The following ZNF134 variants were observed in gnomAD, a reference collection of about 807,000 sequenced individuals.
The protein encoded by ZNF134 is zinc finger protein 134.
Under a neutral mutation model 2.5 loss-of-function variants are expected in ZNF134, and 5 were observed. The observed-to-expected ratio is 2.03, with a 90% CI of 1.06 to 4.27. The LOEUF is 4.27. ZNF134 is among the 30% of genes most tolerant of loss of function. The probability of loss-of-function intolerance (pLI) is 0.00; values close to 1 mark genes in which losing one functional copy is unlikely to be tolerated. For missense variants in ZNF134, 540 were observed against 517.5 expected (o/e 1.04, Z -0.42); for synonymous variants, 176 against 176.2 (o/e 1.00, Z 0.01).
In ZNF134 at chr19:57,621,184, A is replaced by T; in HGVS notation, c.1065A>T (p.Arg355=). 1 of 1,614,214 alleles carries T rather than the reference A, an allele frequency of 6.2e-7. No individual in the cohort carries two copies. The change falls in exon 3 of 3, where the codon CGA becomes CGT. Residue 355 remains arginine (R), a synonymous_variant. Coordinates refer to ENST00000396161, the MANE Select transcript of ZNF134 (RefSeq NM_003435.5). ...TTGAATGCGGGAAATTCTTTAGTCG[A>T]AGTTCTGACTATATTGCACACCAGA... ...ECIECGKFFS[R]SSDYIAHQRV...
In ZNF134 at chr19:57,620,275, T is replaced by C. The variant is rs1299291485; in HGVS notation, c.156T>C (p.Cys52=). 1.2e-6 allele frequency: 2 copies of C among 1,614,202 alleles called. No individual in the cohort carries two copies. Among genetic ancestry groups the C allele is most frequent in the Non-Finnish European group, 1.7e-6 (2 of 1,180,040 alleles). ...TGCCCGCACAGACGGCTCTCCCTTGTGACATATGTGGCCCCATCTTGAAAG... is the reference window on the plus strand; with the variant it reads ...TGCCCGCACAGACGGCTCTCCCTTGCGACATATGTGGCCCCATCTTGAAAG... ...AGLPAQTALP[C]DICGPILKDI... The change falls in exon 3 of 3, where the codon TGT becomes TGC. Residue 52 remains cysteine (C), a synonymous_variant. Coordinates refer to ENST00000396161, the MANE Select transcript of ZNF134 (RefSeq NM_003435.5).
At position 57,620,338 on chromosome 19, in the gene ZNF134, T is replaced by G; in HGVS notation, c.219T>G (p.His73Gln). Residue 73 changes from histidine to glutamine, a missense_variant, in exon 3 of 3, where the codon CAT (histidine) becomes CAG (glutamine). By Grantham distance (24) the His-to-Gln change is conservative (BLOSUM62 0). Transcript: ENST00000396161. ...LHLDEHQGTH[H>Q]GLKLHTCGAC... The stretch of plus-strand genomic sequence containing the variant: ...TGGATGAACACCAGGGTACACACCA[T>G]GGACTGAAACTTCACACATGTGGGG... 6.2e-7 allele frequency: 1 copy of G among 1,614,062 alleles called. No individual in the cohort carries two copies.
Position 57,620,975 on chromosome 19 carries a change from A to T in ZNF134, c.856A>T (p.Arg286Trp), listed in dbSNP as rs377204667. 365 of 1,614,120 alleles carry T rather than the reference A, an allele frequency of 2.3e-4. No individual in the cohort carries two copies. Among genetic ancestry groups the T allele is most frequent in the Admixed American group, 3.5e-4 (21 of 60,016 alleles). ...IVHQRVHNGA[R>W]PYKCSDCGKV... ...ACACCAGAGAGTTCACAATGGAGCA[A>T]GGCCTTATAAGTGCAGTGATTGTGG... Residue 286 changes from arginine to tryptophan, a missense_variant, in exon 3 of 3, where the codon AGG (arginine) becomes TGG (tryptophan). Coordinates refer to ENST00000396161, the MANE Select transcript of ZNF134 (RefSeq NM_003435.5).
chr19:57,620,216 G>T lies in ZNF134; in HGVS notation c.97G>T (p.Ala33Ser). 4 of 1,614,160 alleles carry T rather than the reference G, an allele frequency of 2.5e-6. No homozygotes were observed. ...ATCTTCTGAACAGAGCATTTCTATA[G>T]CAGTGTCACATGTTAATACTTCCAA... ...ESSSEQSISI[A>S]VSHVNTSKAG... Residue 33 changes from alanine to serine, a missense_variant, in exon 3 of 3, where the codon GCA becomes TCA. Coordinates refer to ENST00000396161, the MANE Select transcript of ZNF134 (RefSeq NM_003435.5).
chr19:57,617,061 C>T (rs1362734046), intron 1 of ZNF134, among the ~76,000 whole-genome samples: 1 of 152,208 alleles, frequency 6.6e-6, no homozygotes. Context: ...TAACTTAAGG[C>T]TAAACTAGGA....
At chr19:57,619,361 G>C in intron 1 of ZNF134, 51 bp from the exon 2 acceptor site, 1 of 1,412,122 alleles carries the variant, frequency 7.1e-7, no homozygotes, top group Non-Finnish European at 9.8e-7. Flanking sequence ...GGCTACTCTG[G>C]CTAGTGCTCT....
chr19:57,621,163 A>G lies in ZNF134; in HGVS notation c.1044A>G (p.Glu348=), dbSNP rs147393372. 8.5e-5 allele frequency: 137 copies of G among 1,614,254 alleles called. 1 individual carries two copies. The African/African-American group carries it at 1.7e-3, about 20-fold the overall frequency. Reference sequence around the variant, plus strand: ...AGTCAAAGCCGTTTGAGTGCATTGAATGCGGGAAATTCTTTAGTCGAAGTT... The same window carrying G: ...AGTCAAAGCCGTTTGAGTGCATTGAGTGCGGGAAATTCTTTAGTCGAAGTT... The part of the protein sequence containing the change: ...HTESKPFECI[E]CGKFFSRSSD... The change falls in exon 3 of 3, where the codon GAA becomes GAG. Residue 348 remains glutamate, a synonymous_variant. Coordinates refer to ENST00000396161, the MANE Select transcript of ZNF134 (RefSeq NM_003435.5).
rs1443236902 is a variant in ZNF134, at chr19:57,623,554, AAAAC to A, written c.*2156_*2159del. On this transcript the variant is annotated 3_prime_UTR_variant, in exon 3 of 3. Transcript: ENST00000396161. ...CTCAGCCCATCTTAATTGGAAAAAA[AAAAC>A]AAACCATTGAAATTAAGAGATTCAT... The A allele has an allele frequency of 2.0e-5, 3 of 152,212 alleles. No individual in the cohort carries two copies. The highest frequency in any genetic ancestry group is 1.9e-4 in the East Asian group (1 of 5,200). The allele number at this position is 152,212 out of a possible 1,614,324, so 9.4% of individuals were successfully genotyped here.
Position 57,620,548 on chromosome 19 carries a change from T to A in ZNF134, c.429T>A (p.Ala143=). The A allele has an allele frequency of 6.2e-7, 1 of 1,614,218 alleles. No homozygotes were observed. The highest frequency in any genetic ancestry group is 8.5e-7 in the Non-Finnish European group (1 of 1,180,034). ...AGGAGGAGCAGAAAAACTTCCAGGC[T>A]ACTTTGGGTGGCTGCCAACAAAAGG... The part of the protein sequence containing the change: ...TCKEEQKNFQ[A]TLGGCQQKAI... Residue 143 remains alanine, a synonymous_variant, in exon 3 of 3, where the codon GCT becomes GCA. Transcript: ENST00000396161.
At position 57,621,167 on chromosome 19, in the gene ZNF134, G is replaced by A. The variant is rs765338049; in HGVS notation, c.1048G>A (p.Gly350Arg). 7.4e-6 allele frequency: 12 copies of A among 1,614,098 alleles called. No individual in the cohort carries two copies. The highest frequency in any genetic ancestry group is 6.7e-5 in the African/African-American group (5 of 74,926). ...ESKPFECIECGKFFSRSSDYI... is the reference protein window; with the variant it reads ...ESKPFECIECRKFFSRSSDYI... ...AAAGCCGTTTGAGTGCATTGAATGC[G>A]GGAAATTCTTTAGTCGAAGTTCTGA... is the stretch of plus-strand genomic sequence containing the variant. Residue 350 changes from glycine to arginine, a missense_variant, in exon 3 of 3, where the codon GGG (glycine) becomes AGG (arginine). Gly to Arg is a moderately radical substitution (Grantham distance 125). Transcript: ENST00000396161.
rs770304655 is a variant in ZNF134, at chr19:57,621,274, C to T, written c.1155C>T (p.Ser385=). The change falls in exon 3 of 3, where the codon TCC becomes TCT. Residue 385 remains serine, a synonymous_variant. Transcript: ENST00000396161. ...SKCGKDFIRT[S]HLVRHQRVHT... ...GTGGGAAAGACTTTATCAGAACCTC[C>T]CACCTTGTTCGACACCAAAGAGTTC... 1 of 1,613,994 alleles carries T rather than the reference C, an allele frequency of 6.2e-7. No individual in the cohort carries two copies. Among genetic ancestry groups the T allele is most frequent in the East Asian group, 2.2e-5 (1 of 44,850 alleles).
In ZNF134 at chr19:57,624,297, T is replaced by TA. The variant is rs1312350898; in HGVS notation, c.*2895dup. The TA allele has an allele frequency of 1.3e-5, 2 of 151,996 alleles. No homozygotes were observed. The highest frequency in any genetic ancestry group is 1.3e-4 in the Admixed American group (2 of 15,242). 9.4% of individuals were successfully genotyped at this position (151,996 alleles called of 1,614,324 possible). Reference sequence around the variant, plus strand: ...GAGCAGATAACTAGTTTTCTAGTTTTACAGATCCAAATGAGACAGGAATAG... The same window carrying TA: ...GAGCAGATAACTAGTTTTCTAGTTTTAACAGATCCAAATGAGACAGGAATAG... On this transcript the variant is annotated 3_prime_UTR_variant, in exon 3 of 3. Coordinates refer to ENST00000396161, the MANE Select transcript of ZNF134 (RefSeq NM_003435.5).
At chr19:57,615,224 C>T (rs759309490) in intron 1 of ZNF134, among the ~76,000 whole-genome samples, 3 of 151,938 alleles carry the variant, frequency 2.0e-5, no homozygotes, top group African/African-American at 7.3e-5. Flanking sequence ...AGGTTCATCA[C>T]GGGTAGCTGA....
Position 57,621,078 on chromosome 19 carries a change from AT to A in ZNF134, c.961del (p.Cys321ValfsTer91). On this transcript the variant is annotated frameshift_variant, in exon 3 of 3. Coordinates refer to ENST00000396161, the MANE Select transcript of ZNF134 (RefSeq NM_003435.5). LOFTEE classifies it low-confidence loss of function (END_TRUNC). ...GGAGAAAATCCTTATGATTGCAGTGATTGTGGGAAATCCTTTGGCCACAAAT... is the reference window on the plus strand; with the variant it reads ...GGAGAAAATCCTTATGATTGCAGTGATGTGGGAAATCCTTTGGCCACAAAT... ...HTGENPYDCSDCGKSFGHKYT... is the reference protein window; with the variant it reads ...HTGENPYDCSXCGKSFGHKYT... 2 of 1,614,240 alleles carry A rather than the reference AT, an allele frequency of 1.2e-6. No homozygotes were observed. Among genetic ancestry groups the A allele is most frequent in the Non-Finnish European group, 1.7e-6 (2 of 1,180,044 alleles).
In ZNF134 at chr19:57,621,738, T is replaced by C. The variant is rs903694164; in HGVS notation, c.*335T>C. On this transcript the variant is annotated 3_prime_UTR_variant, in exon 3 of 3. Coordinates refer to ENST00000396161, the MANE Select transcript of ZNF134 (RefSeq NM_003435.5). Reference sequence around the variant, plus strand: ...GGTATAGGTATGGATATGACCCATTTTTAGCCAAGAGGGTCTGAGCTGTAT... The same window carrying C: ...GGTATAGGTATGGATATGACCCATTCTTAGCCAAGAGGGTCTGAGCTGTAT... The C allele has an allele frequency of 2.4e-6, 1 of 413,748 alleles. No individual in the cohort carries two copies. Among genetic ancestry groups the C allele is most frequent in the African/African-American group, 2.0e-5 (1 of 49,186 alleles). The allele number at this position is 413,748 out of a possible 1,614,324, so 25.6% of individuals were successfully genotyped here.
In ZNF134 at chr19:57,622,716, A is replaced by G. The variant is rs932274335; in HGVS notation, c.*1313A>G. 1 of 152,112 alleles carries G rather than the reference A, an allele frequency of 6.6e-6. No homozygotes were observed. Among genetic ancestry groups the G allele is most frequent in the Non-Finnish European group, 1.5e-5 (1 of 68,022 alleles). 9.4% of individuals were successfully genotyped at this position (152,112 alleles called of 1,614,324 possible). A position where few individuals can be genotyped will look rare whatever the true frequency, so the allele number is the denominator to read the frequency against. ...GGAGTTTCTGGTGACTCTTTTGGCA[A>G]TGGTCCTCATTGTTTGCCAGTTTTT... On this transcript the variant is annotated 3_prime_UTR_variant, in exon 3 of 3. Transcript: ENST00000396161.
intron 2 of ZNF134, 123 bp downstream of exon 2, chr19:57,619,631 C>G: frequency 1.9e-6 from 2 of 1,066,690 alleles, no homozygotes; most frequent in Non-Finnish European, 2.7e-6. Flanking sequence ...CTTTTTATCC[C>G]CATTCTGTAC....
intron 1 of ZNF134, among the ~76,000 whole-genome samples, chr19:57,619,197 C>A (rs1438127297): frequency 1.3e-5 from 2 of 152,176 alleles, no homozygotes; most frequent in Admixed American, 6.5e-5. Context: ...CCAGGCTCCA[C>A]CCGCTTCCTC....
chr19:57,623,556 A>C lies in ZNF134; in HGVS notation c.*2153A>C, dbSNP rs1380305211. On this transcript the variant is annotated 3_prime_UTR_variant, in exon 3 of 3. Transcript: ENST00000396161. Reference sequence around the variant, plus strand: ...CAGCCCATCTTAATTGGAAAAAAAAAACAAACCATTGAAATTAAGAGATTC... The same window carrying C: ...CAGCCCATCTTAATTGGAAAAAAAACACAAACCATTGAAATTAAGAGATTC... 1.3e-5 allele frequency: 2 copies of C among 152,190 alleles called. No homozygotes were observed. The highest frequency in any genetic ancestry group is 1.9e-4 in the East Asian group (1 of 5,196). 9.4% of individuals were successfully genotyped at this position (152,190 alleles called of 1,614,324 possible).
Sources: gnomAD v4.1 joint callset for allele counts (sites outside exome capture counted in the v4.1 genomes callset) on GRCh38, gnomAD v4.1.1 for gene constraint, MANE v1.5 for transcripts, NCBI Gene and HGNC (gene_info 2026-07-23, HGNC 2026-07-21) for gene names.